SHISA6: variants seen among roughly 807,000 people sequenced by gnomAD.
The protein encoded by SHISA6 is shisa family member 6.
In SHISA6, 22 loss-of-function variants were observed where a neutral mutation model predicts 47.9. That is an observed-to-expected ratio of 0.46 (90% confidence interval 0.33 to 0.66). The LOEUF (loss-of-function observed/expected upper bound fraction) is 0.66. Among genes scored for constraint, SHISA6 ranks in the 30% least tolerant of loss-of-function variants. The probability of loss-of-function intolerance (pLI) is 0.02; values close to 1 mark genes in which losing one functional copy is unlikely to be tolerated. For missense variants in SHISA6, 680 were observed against 764.6 expected, an observed-to-expected ratio of 0.89 and a Z score of 1.30; for synonymous variants, 388 against 337.8, an observed-to-expected ratio of 1.15 and a Z score of -1.63.
chr17:11,292,119 T>C (rs918106295), intron 2 of SHISA6, among the ~76,000 whole-genome samples: 2 of 152,094 alleles, frequency 1.3e-5, no homozygotes, highest in African/African-American at 2.4e-5. Context: ...CTAACTGAAA[T>C]TGTGTATAAT....
Position 11,241,455 on chromosome 17 carries a change from G to A in SHISA6, c.33G>A (p.Leu11=). The A allele has an allele frequency of 8.3e-7, 1 of 1,209,482 alleles. No individual in the cohort carries two copies. The highest frequency in any genetic ancestry group is 1.0e-6 in the Non-Finnish European group (1 of 955,812). 74.9% of individuals were successfully genotyped at this position (1,209,482 alleles called of 1,614,324 possible). MALRRLLLLL[L]LSLESLDLLP... is the part of the protein sequence containing the mutation. ...TGCGGCGCCTCCTGCTGCTGCTGCT[G>A]CTCTCGCTGGAGTCCCTGGACCTGC... Residue 11 remains leucine, a synonymous_variant, in exon 1 of 6, where the codon CTG becomes CTA. Coordinates refer to ENST00000441885, the MANE Select transcript of SHISA6 (RefSeq NM_207386.4). The surrounding 1 kb of genome is among the most constrained non-coding windows in gnomAD (Gnocchi z 5.5).
At chr17:11,361,491 T>G (rs1597476080) in intron 2 of SHISA6, among the ~76,000 whole-genome samples, 1 of 152,354 alleles carries the variant, frequency 6.6e-6, no homozygotes, top group African/African-American at 2.4e-5. Context: ...GAATATTGTC[T>G]CTCATGCATG....
rs139301005 is a variant in SHISA6 at position 11,292,728 on chromosome 17, G to A, written c.799+29202G>A. ...AAGCAAGGAGACGAGATGAACTTGC[G>A]TCCTTCCGGTGGGATACATAAACTT... is the stretch of plus-strand genomic sequence containing the variant. On this transcript the variant is annotated intron_variant, in intron 2 of 5. Transcript: ENST00000441885. Among the ~76,000 whole-genome samples the A allele has an allele frequency of 2.8e-3, 425 of 151,964 alleles. 2 individuals carry two copies. The highest frequency in any genetic ancestry group is 7.8e-3 in the African/African-American group (322 of 41,486).
At chr17:11,243,448 C>CT (rs1907453133) in intron 1 of SHISA6, among the ~76,000 whole-genome samples, 1 of 152,066 alleles carries the variant, frequency 6.6e-6, no homozygotes, top group Non-Finnish European at 1.5e-5. Flanking sequence ...TTATAAGGCT[C>CT]TGTCACCCTG....
At chr17:11,247,741 G>A (rs2142134013) in intron 1 of SHISA6, among the ~76,000 whole-genome samples, 1 of 149,462 alleles carries the variant, frequency 6.7e-6, no homozygotes, top group East Asian at 2.0e-4. Context: ...TTCTTCCTGA[G>A]TTACGTTTAT....
chr17:11,391,675 TCAACCATGGCCC>T (rs1262020347), intron 3 of SHISA6, among the ~76,000 whole-genome samples: 1 of 152,160 alleles, frequency 6.6e-6, no homozygotes. Flanking sequence ...CCCCAGAGAC[TCAACCATGGCCC>T]CAATCATGGA....
intron 2 of SHISA6, among the ~76,000 whole-genome samples, chr17:11,316,413 CTCTCTCTTTT>C (rs1910521496): frequency 1.1e-5 from 1 of 87,814 alleles, no homozygotes; most frequent in African/African-American, 4.7e-5. Flanking sequence ...CTCTCTCTCT[CTCTCTCTTTT>C]TTTTTTTTTT....
chr17:11,320,931 A>G (rs992929898), intron 2 of SHISA6, among the ~76,000 whole-genome samples: 4 of 152,248 alleles, frequency 2.6e-5, no homozygotes, highest in African/African-American at 9.6e-5. Flanking sequence ...GATACCAGAC[A>G]GATCATATAC....
rs575773208 is a variant in SHISA6 at position 11,401,024 on chromosome 17, T to C, written c.895+21515T>C. Among the ~76,000 whole-genome samples the C allele has an allele frequency of 7.2e-5, 11 of 152,346 alleles. No individual in the cohort carries two copies. In the East Asian group the frequency reaches 2.1e-3, roughly 29 times the overall value. ...CTTTATAATGTTGTTTAGTTATTTT[T>C]GCATATATGTCATGTGTTTCTAGTG... On this transcript the variant is annotated intron_variant, in intron 3 of 5. Transcript: ENST00000441885.
intron 2 of SHISA6, among the ~76,000 whole-genome samples, chr17:11,331,812 T>G (rs1911127278): frequency 6.6e-6 from 1 of 151,996 alleles, no homozygotes; most frequent in African/African-American, 2.4e-5. Flanking sequence ...TCCAGCTGCT[T>G]CTTTCATACA....
Position 11,558,415 on chromosome 17 carries a change from T to G in SHISA6, c.*111T>G. On this transcript the variant is annotated 3_prime_UTR_variant, in exon 6 of 6. Transcript: ENST00000441885. ...ACTCTCCCTTCCCTTGTCCCCTCTG[T>G]AGGAAGTGGGGGTGGGCCACCTTTG... 1 of 1,281,678 alleles carries G rather than the reference T, an allele frequency of 7.8e-7. No individual in the cohort carries two copies. Among genetic ancestry groups the G allele is most frequent in the Non-Finnish European group, 1.1e-6 (1 of 949,636 alleles). 79.4% of individuals were successfully genotyped at this position (1,281,678 alleles called of 1,614,324 possible).
intron 2 of SHISA6, among the ~76,000 whole-genome samples, chr17:11,277,280 T>TCTCTCTCTCTCTCA (rs1386997909): frequency 3.6e-3 from 195 of 53,870 alleles, no homozygotes; most frequent in East Asian, 8.1e-3. Context: ...TCTCTCTCTC[T>TCTCTCTCTCTCTCA]CACACACACA....
At chr17:11,251,128 C>T (rs577511151) in intron 1 of SHISA6, among the ~76,000 whole-genome samples, 6 of 152,222 alleles carry the variant, frequency 3.9e-5, no homozygotes, top group Non-Finnish European at 5.9e-5. Context: ...ACAGTTGGGT[C>T]TCACCTTCCT....
chr17:11,419,113 A>T (rs1367824937), intron 3 of SHISA6, among the ~76,000 whole-genome samples: 2 of 152,146 alleles, frequency 1.3e-5, no homozygotes, highest in Non-Finnish European at 2.9e-5. Flanking sequence ...TACCTAATGC[A>T]AAATGACGAG....
chr17:11,551,932 T>G lies in SHISA6; in HGVS notation c.932T>G (p.Val311Gly), dbSNP rs1049792550. 7 of 1,551,612 alleles carry G rather than the reference T, an allele frequency of 4.5e-6. No individual in the cohort carries two copies. In the African/African-American group the frequency reaches 9.6e-5, roughly 21 times the overall value. The change falls in exon 4 of 6, where the codon GTT (valine) becomes GGT (glycine). Residue 311 changes from valine (V) to glycine (G), a missense_variant. This residue lies in a region of SHISA6 where 559 missense variants were observed against 674.1 expected (regional missense o/e 0.83). Transcript: ENST00000441885. The stretch of plus-strand genomic sequence containing the variant: ...TATAACCATCCGATTTTGAGCAGTG[T>G]TACCCAGATCCCGCCACATGGTGAG... Reference protein sequence around the residue: ...HQYNHPILSSVTQIPPHEKPR... With the variant: ...HQYNHPILSSGTQIPPHEKPR...
intron 3 of SHISA6, among the ~76,000 whole-genome samples, chr17:11,452,860 C>A (rs934705340): frequency 2.0e-5 from 3 of 151,312 alleles, no homozygotes; most frequent in African/African-American, 7.3e-5. Flanking sequence ...TGTTCTCCTA[C>A]GACTACTTCT....
At chr17:11,421,873 T>C (rs1192780645) in intron 3 of SHISA6, among the ~76,000 whole-genome samples, 2 of 152,140 alleles carry the variant, frequency 1.3e-5, no homozygotes, top group African/African-American at 4.8e-5. Context: ...AGGAGCAAAT[T>C]GAAAGGGTTA....
intron 3 of SHISA6, among the ~76,000 whole-genome samples, chr17:11,462,699 C>T (rs1029895317): frequency 1.3e-5 from 2 of 152,304 alleles, no homozygotes; most frequent in Admixed American, 6.5e-5. Flanking sequence ...ACGATCTCGG[C>T]TCACTGCACC....
chr17:11,425,255 GGTTT>G (rs2142285100), intron 3 of SHISA6, among the ~76,000 whole-genome samples: 1 of 151,788 alleles, frequency 6.6e-6, no homozygotes, highest in African/African-American at 2.4e-5. Context: ...AAACCAGAAA[GGTTT>G]GTTTCCAACC....
Sources: allele counts gnomAD v4.1 joint callset (sites outside exome capture counted in the v4.1 genomes callset), GRCh38; gene constraint gnomAD v4.1.1; regional missense constraint gnomAD v4.1.1; non-coding constraint Gnocchi (gnomAD v3.1); transcripts MANE v1.5; gene names NCBI Gene and HGNC (gene_info 2026-07-23, HGNC 2026-07-21).